VPS13B: variants seen among roughly 807,000 people sequenced by gnomAD.
The protein encoded by VPS13B is intermembrane lipid transfer protein VPS13B.
VPS13B carries 285 observed loss-of-function variants against 426.4 expected under a neutral mutation model. The observed-to-expected ratio is 0.67, with a 90% CI of 0.61 to 0.74. The LOEUF is 0.74. Ranked by LOEUF, VPS13B falls within the 30% of genes least tolerant of loss-of-function variation. VPS13B has a pLI of 0.00. For synonymous variants in VPS13B, 1,676 were observed against 1,676.4 expected (o/e 1.00, Z 0.01); for missense variants, 4,537 against 4,782.6 (o/e 0.95, Z 1.51).
chr8:99,337,093 G>T (rs1255527069), intron 19 of VPS13B, among the ~76,000 whole-genome samples: 2 of 152,064 alleles, frequency 1.3e-5, no homozygotes, highest in Admixed American at 1.3e-4. Flanking sequence ...ATTCACAATA[G>T]CAAAGACTTG....
intron 19 of VPS13B, among the ~76,000 whole-genome samples, chr8:99,376,696 T>G (rs1813506663): frequency 6.6e-6 from 1 of 152,160 alleles, no homozygotes; most frequent in South Asian, 2.1e-4. Flanking sequence ...CTGAAAAGAC[T>G]TCTGTAACAA....
chr8:99,577,559 G>A lies in VPS13B; in HGVS notation c.5146G>A (p.Ala1716Thr), dbSNP rs774874037. The A allele has an allele frequency of 1.9e-6, 3 of 1,613,694 alleles. No homozygotes were observed. Among genetic ancestry groups the A allele is most frequent in the African/African-American group, 1.3e-5 (1 of 74,930 alleles). The change falls in exon 33 of 62, where the codon GCT (alanine) becomes ACT (threonine). Residue 1716 changes from alanine to threonine, a missense_variant. Transcript: ENST00000357162. ...AAACCTGGACTTCTTCCTAAGTGTG[G>A]CTCAAGTTCAACTCTTACATCAGTT... ...TTNLDFFLSV[A>T]QVQLLHQLIV...
Position 99,817,610 on chromosome 8 carries a change from A to G in VPS13B, c.8168A>G (p.His2723Arg). Residue 2723 changes from histidine to arginine, a missense_variant, in exon 45 of 62, where the codon CAT (histidine) becomes CGT (arginine). Around this residue, in one of 2 missense-constraint regions of VPS13B, gnomAD observed 4,311 missense variants for 4,474.3 expected, o/e 0.96. Transcript: ENST00000357162. ...AGCATAGAACTAAAAGTCGTTCAGC[A>G]TTACATTGGTCAAGATGGACAAGCT... ...SQSIELKVVQHYIGQDGQAVV... is the reference protein window; with the variant it reads ...SQSIELKVVQRYIGQDGQAVV... The G allele has an allele frequency of 6.2e-7, 1 of 1,614,060 alleles. No homozygotes were observed. The highest frequency in any genetic ancestry group is 8.5e-7 in the Non-Finnish European group (1 of 1,179,982).
chr8:99,847,582 AAAAG>A (rs2130899234), intron 54 of VPS13B, among the ~76,000 whole-genome samples: 1 of 152,250 alleles, frequency 6.6e-6, no homozygotes, highest in East Asian at 1.9e-4. Flanking sequence ...TGTAAAATGA[AAAAG>A]AAGGCAGCAG....
At chr8:99,342,157 G>T (rs1004395722) in intron 19 of VPS13B, among the ~76,000 whole-genome samples, 5 of 152,098 alleles carry the variant, frequency 3.3e-5, no homozygotes, top group Non-Finnish European at 7.3e-5. Context: ...GGGGTATAGC[G>T]TGATGTCTTG....
chr8:99,477,765 CTA>C (rs1434817257), intron 24 of VPS13B, among the ~76,000 whole-genome samples: 2 of 152,158 alleles, frequency 1.3e-5, no homozygotes, highest in Non-Finnish European at 2.9e-5. Context: ...TACTGTCTGT[CTA>C]TGTTATTCCT....
intron 21 of VPS13B, among the ~76,000 whole-genome samples, chr8:99,412,244 G>A (rs994474660): frequency 4.6e-5 from 7 of 151,884 alleles, no homozygotes; most frequent in Non-Finnish European, 7.4e-5. Flanking sequence ...CTCTTATTTC[G>A]TTGAGCAGTG....
intron 23 of VPS13B, among the ~76,000 whole-genome samples, chr8:99,456,620 C>A (rs560319215): frequency 6.6e-6 from 1 of 152,162 alleles, no homozygotes; most frequent in Non-Finnish European, 1.5e-5. Context: ...AATTAATAAT[C>A]ATGTGAACCT....
chr8:99,695,470 T>G, intron 35 of VPS13B, among the ~76,000 whole-genome samples: 1 of 142,278 alleles, frequency 7.0e-6, no homozygotes, highest in Non-Finnish European at 1.5e-5. Flanking sequence ...ACACCGCATA[T>G]TCTCACTCAT....
At chr8:99,066,956 C>T (rs966951129) in intron 3 of VPS13B, among the ~76,000 whole-genome samples, 8 of 152,102 alleles carry the variant, frequency 5.3e-5, no homozygotes, top group Non-Finnish European at 1.2e-4. Context: ...CCATCTCACA[C>T]CAGTTAGAAT....
rs1436262724 is a variant in VPS13B at position 99,499,280 on chromosome 8, C to T, written c.3871-2407C>T. ...CAATACCAAACAAAATGCTGTAAATCCAAAATGAAAACTGAAACTGCATGA... is the reference window on the plus strand; with the variant it reads ...CAATACCAAACAAAATGCTGTAAATTCAAAATGAAAACTGAAACTGCATGA... On this transcript the variant is annotated intron_variant, in intron 25 of 61. Coordinates refer to ENST00000357162, the MANE Select transcript of VPS13B (RefSeq NM_152564.5). Among the ~76,000 whole-genome samples, 5 of 152,110 alleles carry T rather than the reference C, an allele frequency of 3.3e-5. No homozygotes were observed. The East Asian group carries it at 9.7e-4, about 29-fold the overall frequency.
At chr8:99,621,816 G>GTTTTTTTTTTTT in intron 33 of VPS13B, among the ~76,000 whole-genome samples, 1 of 113,466 alleles carries the variant, frequency 8.8e-6, no homozygotes, top group Non-Finnish European at 1.9e-5. Flanking sequence ...TTTTTGTTTT[G>GTTTTTTTTTTTT]TTTCTTTTTT....
At chr8:99,566,438 T>C (rs1825191742) in intron 31 of VPS13B, among the ~76,000 whole-genome samples, 1 of 143,016 alleles carries the variant, frequency 7.0e-6, no homozygotes, top group Non-Finnish European at 1.5e-5. Flanking sequence ...TATGGTGTTT[T>C]CTTCTTCTTT....
At chr8:99,618,246 G>GC (rs1828190992) in intron 33 of VPS13B, among the ~76,000 whole-genome samples, 1 of 142,362 alleles carries the variant, frequency 7.0e-6, no homozygotes, top group African/African-American at 2.6e-5. Context: ...TACTATTAAT[G>GC]TATTTCCTTT....
rs972367161 is a variant in VPS13B, at chr8:99,178,383, A to G, written c.2333+8220A>G. Among the ~76,000 whole-genome samples the G allele has an allele frequency of 3.4e-5, 5 of 149,146 alleles. No individual in the cohort carries two copies. The Admixed American group carries it at 3.4e-4, about 10-fold the overall frequency. On this transcript the variant is annotated intron_variant, in intron 16 of 61. Transcript: ENST00000357162. ...AGATCAGATAGTGCTTAGGTTAGTG[A>G]CAGAAGAAAATTTCTAATAATAGCA... is the stretch of plus-strand genomic sequence containing the variant.
intron 19 of VPS13B, among the ~76,000 whole-genome samples, chr8:99,361,956 A>G (rs1812585698): frequency 6.6e-6 from 1 of 152,126 alleles, no homozygotes; most frequent in South Asian, 2.1e-4. Flanking sequence ...AGAAATCTGC[A>G]GTGAAGTGAT....
At chr8:99,246,054 C>T (rs1018634254) in intron 17 of VPS13B, among the ~76,000 whole-genome samples, 3 of 152,176 alleles carry the variant, frequency 2.0e-5, no homozygotes, top group African/African-American at 7.2e-5. Flanking sequence ...GACTGTGTCT[C>T]GCTTTCTCAA....
At chr8:99,741,220 A>T (rs142048818) in intron 39 of VPS13B, among the ~76,000 whole-genome samples, 3,506 of 152,320 alleles carry the variant, frequency 0.023, 118 homozygotes, top group African/African-American at 0.075. Context: ...ATCAAAGGAC[A>T]CAAAGAAGGC....
intron 15 of VPS13B, among the ~76,000 whole-genome samples, chr8:99,159,104 T>G (rs4735601): frequency 0.27 from 40,432 of 152,038 alleles, 6,128 homozygotes; most frequent in East Asian, 0.44. Context: ...CCTCATGGAT[T>G]ACTTTGAGGG....
Sources: gnomAD v4.1 joint callset for allele counts (sites outside exome capture counted in the v4.1 genomes callset) on GRCh38, gnomAD v4.1.1 for gene constraint, gnomAD v4.1.1 regional missense constraint, MANE v1.5 for transcripts, NCBI Gene and HGNC (gene_info 2026-07-23, HGNC 2026-07-21) for gene names.